The following KHDRBS2 variants were observed in gnomAD, a reference collection of about 807,000 sequenced individuals.
KHDRBS2 encodes KH RNA binding domain containing, signal transduction associated 2, also known as KH domain-containing, RNA-binding, signal transduction-associated protein 2.
Under a neutral mutation model 44.3 loss-of-function variants are expected in KHDRBS2, and 26 were observed. The observed-to-expected ratio is 0.59, with a 90% CI of 0.43 to 0.81. KHDRBS2 has a LOEUF of 0.81. Ranked by LOEUF, KHDRBS2 falls within the 40% of genes least tolerant of loss-of-function variation. The pLI is 0.00. For missense variants in KHDRBS2, 476 were observed against 433.1 expected (o/e 1.10, Z -0.88); for synonymous variants, 194 against 151.1 (o/e 1.28, Z -2.08).
intron 6 of KHDRBS2, among the ~76,000 whole-genome samples, chr6:61,784,315 TTATC>T (rs1449075036): frequency 6.6e-6 from 1 of 151,752 alleles, no homozygotes; most frequent in Non-Finnish European, 1.5e-5. Context: ...GTTTAAAAAA[TTATC>T]TACTTCATTT....
chr6:62,053,108 A>T (rs375388715), intron 2 of KHDRBS2, among the ~76,000 whole-genome samples: 1 of 152,178 alleles, frequency 6.6e-6, no homozygotes, highest in East Asian at 1.9e-4. Flanking sequence ...TGTATACCTT[A>T]AATATATACA....
chr6:62,110,964 G>GT (rs1012256393), intron 2 of KHDRBS2, among the ~76,000 whole-genome samples: 1 of 151,892 alleles, frequency 6.6e-6, no homozygotes, highest in African/African-American at 2.4e-5. Context: ...TTTAGAATTT[G>GT]TTTTTAAGTA....
chr6:61,716,033 C>T (rs62423551), intron 7 of KHDRBS2, among the ~76,000 whole-genome samples: 27,893 of 151,582 alleles, frequency 0.18, 2,704 homozygotes, highest in African/African-American at 0.21. Context: ...CAGGTAAAGA[C>T]TATTATCCCT....
chr6:61,746,043 TTTTAGTTTAG>T (rs370422384), intron 6 of KHDRBS2, among the ~76,000 whole-genome samples: 7,051 of 144,928 alleles, frequency 0.049, 222 homozygotes, highest in East Asian at 0.091. Flanking sequence ...TTTTATTTTA[TTTTAGTTTAG>T]TTTAGTTTAG....
the KHDRBS2 span, among the ~76,000 whole-genome samples, chr6:61,672,915 C>T: frequency 2.7e-4 from 41 of 152,034 alleles, no homozygotes; most frequent in African/African-American, 9.9e-4. Context: ...ACATGAAGCC[C>T]TTGCCCATGC....
chr6:62,172,208 C>A (rs1227959170), intron 2 of KHDRBS2, among the ~76,000 whole-genome samples: 1 of 152,014 alleles, frequency 6.6e-6, no homozygotes, highest in African/African-American at 2.4e-5. Flanking sequence ...CATCCATAGG[C>A]TCAAAGTAAT....
the KHDRBS2 span, among the ~76,000 whole-genome samples, chr6:61,584,021 G>T: frequency 1.3e-5 from 2 of 151,464 alleles, no homozygotes; most frequent in Non-Finnish European, 3.0e-5. Flanking sequence ...TTCATTGCTA[G>T]CATACATAAA....
At chr6:61,839,994 G>T (rs1181659591) in intron 6 of KHDRBS2, among the ~76,000 whole-genome samples, 4 of 151,998 alleles carry the variant, frequency 2.6e-5, no homozygotes, top group Non-Finnish European at 1.5e-5. Context: ...ATTAAGCAAA[G>T]TGTTTTCAGT....
At chr6:62,268,556 A>G (rs1839569391) in intron 1 of KHDRBS2, among the ~76,000 whole-genome samples, 1 of 152,080 alleles carries the variant, frequency 6.6e-6, no homozygotes, top group South Asian at 2.1e-4. Flanking sequence ...TACTCTACCA[A>G]GGGTGGAGAT....
intron 6 of KHDRBS2, 95 bp downstream of exon 6, chr6:61,894,540 C>T: frequency 1.1e-6 from 1 of 936,856 alleles, no homozygotes; most frequent in Non-Finnish European, 1.6e-6. Flanking sequence ...ACAAACATTA[C>T]CTGCTATATT....
chr6:61,655,829 T>A, the KHDRBS2 span, among the ~76,000 whole-genome samples: 1 of 152,074 alleles, frequency 6.6e-6, no homozygotes, highest in Non-Finnish European at 1.5e-5. Context: ...AAAGGCTTAT[T>A]TGCCTAAATA....
intron 2 of KHDRBS2, among the ~76,000 whole-genome samples, chr6:62,130,671 G>T (rs1257043138): frequency 1.3e-5 from 2 of 151,992 alleles, no homozygotes; most frequent in African/African-American, 4.8e-5. Context: ...CCCATTGTAA[G>T]TTGAAAATAT....
At chr6:61,651,907 G>A in the KHDRBS2 span, among the ~76,000 whole-genome samples, 1 of 152,128 alleles carries the variant, frequency 6.6e-6, no homozygotes, top group Admixed American at 6.6e-5. Flanking sequence ...CTACTTGGAA[G>A]TCATTAGCTT....
chr6:61,663,682 C>T, the KHDRBS2 span, among the ~76,000 whole-genome samples: 4 of 150,030 alleles, frequency 2.7e-5, no homozygotes, highest in African/African-American at 7.3e-5. Flanking sequence ...TTCCACCACA[C>T]GGTATGGAGC....
the KHDRBS2 span, among the ~76,000 whole-genome samples, chr6:61,618,675 C>A: frequency 1.4e-3 from 211 of 152,288 alleles, 2 homozygotes; most frequent in Admixed American, 5.6e-3. Flanking sequence ...TCCGTCTGTA[C>A]ATGTGTTCTC....
In KHDRBS2 at chr6:61,713,853, G is replaced by T. The variant is rs1019214819; in HGVS notation, c.894-16600C>A. Among the ~76,000 whole-genome samples the T allele has an allele frequency of 5.3e-5, 8 of 151,694 alleles. No homozygotes were observed. In the Admixed American group the frequency reaches 5.3e-4, roughly 10 times the overall value. On this transcript the variant is annotated intron_variant, in intron 7 of 8. Transcript: ENST00000281156. Reference sequence around the variant, plus strand: ...AATGGATGGCCATACACAGAAGAATGAAACTAGATCCCTATCTTTTACCAT... The same window carrying T: ...AATGGATGGCCATACACAGAAGAATTAAACTAGATCCCTATCTTTTACCAT...
intron 8 of KHDRBS2, among the ~76,000 whole-genome samples, chr6:61,695,222 A>G (rs79062190): frequency 1.3e-5 from 2 of 150,406 alleles, no homozygotes; most frequent in South Asian, 4.2e-4. Flanking sequence ...ACCTCCTGAC[A>G]AAACAAACAA....
the KHDRBS2 span, among the ~76,000 whole-genome samples, chr6:61,550,002 A>G: frequency 5.8e-4 from 89 of 152,268 alleles, 2 homozygotes; most frequent in South Asian, 7.9e-3. Flanking sequence ...AAAGACATGA[A>G]TATTTATTTA....
the KHDRBS2 span, among the ~76,000 whole-genome samples, chr6:61,610,915 T>C: frequency 2.6e-5 from 4 of 152,206 alleles, no homozygotes; most frequent in Non-Finnish European, 2.9e-5. Context: ...ATTAACATGC[T>C]AAGGACCATT....
Sources: gnomAD v4.1 joint callset for allele counts (sites outside exome capture counted in the v4.1 genomes callset) on GRCh38, gnomAD v4.1.1 for gene constraint, MANE v1.5 for transcripts, NCBI Gene and HGNC (gene_info 2026-07-23, HGNC 2026-07-21) for gene names.